PTH2R: variants seen among roughly 807,000 people sequenced by gnomAD.
The protein encoded by PTH2R is PTH2 receptor.
Under a neutral mutation model 60.3 loss-of-function variants are expected in PTH2R, and 59 were observed. The ratio of observed to expected loss-of-function variants is 0.98; its 90% CI spans 0.79 to 1.22. The LOEUF is 1.22. Ranked by LOEUF, PTH2R falls within the 50% of genes most tolerant of loss-of-function variation. PTH2R has a pLI of 0.00. For synonymous variants in PTH2R, 256 were observed against 243.8 expected (o/e 1.05, Z -0.47); for missense variants, 749 against 682.6 (o/e 1.10, Z -1.08).
chr2:208,488,327 G>C (rs1703320614), intron 10 of PTH2R, among the ~76,000 whole-genome samples: 1 of 152,060 alleles, frequency 6.6e-6, no homozygotes, highest in Non-Finnish European at 1.5e-5. Flanking sequence ...GAAAAATGGA[G>C]ATACAAATGT....
chr2:208,411,375 C>T (rs143825316), intron 1 of PTH2R, among the ~76,000 whole-genome samples: 2 of 152,172 alleles, frequency 1.3e-5, no homozygotes, highest in African/African-American at 2.4e-5. Flanking sequence ...CTCTTGACAA[C>T]GAGGACTATT....
intron 1 of PTH2R, among the ~76,000 whole-genome samples, chr2:208,414,883 G>A (rs182633443): frequency 3.6e-4 from 54 of 151,900 alleles, no homozygotes; most frequent in African/African-American, 1.2e-3. Context: ...TATTGGCCCA[G>A]TTCCATAATG....
intron 1 of PTH2R, among the ~76,000 whole-genome samples, chr2:208,422,494 T>C (rs1356696102): frequency 6.6e-6 from 1 of 152,246 alleles, no homozygotes; most frequent in East Asian, 1.9e-4. Context: ...AATATTATAT[T>C]CGTTAAGTAG....
At chr2:208,414,708 G>A (rs1023067669) in intron 1 of PTH2R, among the ~76,000 whole-genome samples, 6 of 151,976 alleles carry the variant, frequency 3.9e-5, no homozygotes, top group Non-Finnish European at 7.4e-5. Context: ...TCCATCATCT[G>A]TTTTTCTATG....
Position 208,493,765 on chromosome 2 carries a change from A to C in PTH2R, c.*106A>C. On this transcript the variant is annotated 3_prime_UTR_variant, in exon 13 of 13. Transcript: ENST00000272847. ...AGTTCAAAGGCTGAAAATTCAGTTA[A>C]GGTGTTACTTAATAATAGTTTTTAG... 4.6e-6 allele frequency: 6 copies of C among 1,299,578 alleles called. No individual in the cohort carries two copies. In the South Asian group the frequency reaches 1.1e-4, roughly 24 times the overall value. The allele number at this position is 1,299,578 out of a possible 1,614,324, so 80.5% of individuals were successfully genotyped here.
rs1700825611 is a variant in PTH2R, at chr2:208,377,638, G to A, written c.-259+17401G>A. Among the ~76,000 whole-genome samples the A allele has an allele frequency of 2.7e-5, 4 of 149,926 alleles. No homozygotes were observed. In the South Asian group the frequency reaches 8.4e-4, roughly 32 times the overall value. On this transcript the variant is annotated intron_variant, in intron 1 of 12. Coordinates refer to the PTH2R transcript ENST00000617735. Reference sequence around the variant, plus strand: ...GGACAGGGTGGCTGCTGGGCAGAGGGGCTCCTCACTTCTCAGACGGGGCAG... The same window carrying A: ...GGACAGGGTGGCTGCTGGGCAGAGGAGCTCCTCACTTCTCAGACGGGGCAG...
intron 1 of PTH2R, among the ~76,000 whole-genome samples, chr2:208,385,920 T>C (rs1260377262): frequency 6.6e-6 from 1 of 152,222 alleles, no homozygotes; most frequent in Admixed American, 6.5e-5. Flanking sequence ...TTGAAACATA[T>C]AAAGATATTG....
At chr2:208,415,237 ATT>A (rs1047332336) in intron 1 of PTH2R, among the ~76,000 whole-genome samples, 5 of 152,088 alleles carry the variant, frequency 3.3e-5, no homozygotes, top group African/African-American at 1.2e-4. Context: ...ATATAAATAA[ATT>A]TTTTTTCTGT....
chr2:208,474,349 G>A (rs1702952479), intron 9 of PTH2R, among the ~76,000 whole-genome samples: 1 of 152,172 alleles, frequency 6.6e-6, no homozygotes, highest in Non-Finnish European at 1.5e-5. Flanking sequence ...TCATGTAGTA[G>A]TGATATAAGC....
At position 208,450,185 on chromosome 2, in the gene PTH2R, T is replaced by C. The variant is rs79817035; in HGVS notation, c.854-564T>C. Among the ~76,000 whole-genome samples, 151 of 152,336 alleles carry C rather than the reference T, an allele frequency of 9.9e-4. 2 individuals carry two copies. Among genetic ancestry groups the C allele is most frequent in the African/African-American group, 3.3e-3 (139 of 41,574 alleles). Reference sequence around the variant, plus strand: ...TCGCGCTCAAATCATCAGACAAATATAGTGGTCACCCTTTTCTATTAATGC... The same window carrying C: ...TCGCGCTCAAATCATCAGACAAATACAGTGGTCACCCTTTTCTATTAATGC... On this transcript the variant is annotated intron_variant, in intron 7 of 12. Transcript: ENST00000272847.
At chr2:208,464,251 T>G (rs1448594945) in intron 9 of PTH2R, among the ~76,000 whole-genome samples, 2 of 152,204 alleles carry the variant, frequency 1.3e-5, no homozygotes, top group African/African-American at 4.8e-5. Context: ...ATAATGTTAT[T>G]TTCACTTTTT....
intron 1 of PTH2R, among the ~76,000 whole-genome samples, chr2:208,364,886 G>C (rs1426711760): frequency 1.3e-5 from 2 of 151,846 alleles, no homozygotes; most frequent in South Asian, 2.1e-4. Flanking sequence ...TACTTCCTTA[G>C]TCAATTTCTA....
intron 9 of PTH2R, among the ~76,000 whole-genome samples, chr2:208,462,501 C>T (rs921737391): frequency 8.6e-5 from 13 of 151,990 alleles, no homozygotes; most frequent in African/African-American, 1.9e-4. Flanking sequence ...CCAGTGGCAC[C>T]GGTTCAGAGG....
intron 1 of PTH2R, among the ~76,000 whole-genome samples, chr2:208,395,436 T>A (rs1222369227): frequency 6.6e-6 from 1 of 152,104 alleles, no homozygotes; most frequent in African/African-American, 2.4e-5. Flanking sequence ...TTCCACTAGG[T>A]GGTGGTGTTG....
intron 1 of PTH2R, among the ~76,000 whole-genome samples, chr2:208,408,127 T>C (rs1701456363): frequency 6.6e-6 from 1 of 152,226 alleles, no homozygotes; most frequent in Admixed American, 6.5e-5. Flanking sequence ...GGTGCCACGC[T>C]AAAAGTGGGC....
intron 1 of PTH2R, among the ~76,000 whole-genome samples, chr2:208,386,283 T>G (rs966877836): frequency 6.6e-6 from 1 of 152,196 alleles, no homozygotes; most frequent in African/African-American, 2.4e-5. Flanking sequence ...CTGTGATGGA[T>G]GGACTTGGAT....
intron 1 of PTH2R, among the ~76,000 whole-genome samples, chr2:208,394,635 G>A (rs1701172223): frequency 6.6e-6 from 1 of 152,072 alleles, no homozygotes; most frequent in African/African-American, 2.4e-5. Flanking sequence ...TGTGACCTGT[G>A]TGCCTCCCTA....
chr2:208,487,600 C>A (rs114939991), intron 10 of PTH2R, among the ~76,000 whole-genome samples: 6 of 152,172 alleles, frequency 3.9e-5, no homozygotes, highest in Admixed American at 2.6e-4. Context: ...ACAAACCTAG[C>A]GGCTTAAAAC....
intron 1 of PTH2R, among the ~76,000 whole-genome samples, chr2:208,375,300 C>T (rs1440106403): frequency 6.6e-6 from 1 of 151,960 alleles, no homozygotes. Flanking sequence ...TTAGCTTGAA[C>T]ACTTAATTTC....
Sources: allele counts gnomAD v4.1 joint callset (sites outside exome capture counted in the v4.1 genomes callset), GRCh38; gene constraint gnomAD v4.1.1; transcripts MANE v1.5; gene names NCBI Gene and HGNC (gene_info 2026-07-23, HGNC 2026-07-21).